PLEKHG4B: variants seen among roughly 807,000 people sequenced by gnomAD.
PLEKHG4B encodes the protein pleckstrin homology and RhoGEF domain containing G4B.
A neutral mutation model predicts 121.3 loss-of-function variants in PLEKHG4B; 111 were observed. The observed-to-expected ratio is 0.92, with a 90% CI of 0.78 to 1.07. The LOEUF is 1.07. PLEKHG4B is among the 50% of genes least tolerant of loss of function. The pLI, the probability that PLEKHG4B is intolerant of heterozygous loss-of-function variation, is 0.00. For synonymous variants in PLEKHG4B, 738 were observed against 725.0 expected, an observed-to-expected ratio of 1.02 and a Z score of -0.29; for missense variants, 1,831 against 1,757.8, an observed-to-expected ratio of 1.04 and a Z score of -0.74.
chr5:126,369 T>G lies in PLEKHG4B; in HGVS notation c.243+12921T>G, dbSNP rs183374201. On this transcript the variant is annotated intron_variant, in intron 2 of 19. Transcript: ENST00000637938. ...TTTCAGCTCCAGAATTTGTTTGGCT[T>G]CTTTTTAGGATTTTTAATATCTTTG... Among the ~76,000 whole-genome samples, 724 of 152,312 alleles carry G rather than the reference T, an allele frequency of 4.8e-3. 3 individuals carry two copies. Among genetic ancestry groups the G allele is most frequent in the Middle Eastern group, 0.014 (4 of 294 alleles).
chr5:172,141 CCCCCAACA>C (rs146391607), intron 16 of PLEKHG4B, among the ~76,000 whole-genome samples: 8,071 of 152,312 alleles, frequency 0.053, 293 homozygotes, highest in Non-Finnish European at 0.08. Context: ...CCATCTCGGG[CCCCCAACA>C]CCGACGGAAT....
rs111974841 is a variant in PLEKHG4B at position 135,086 on chromosome 5, G to A, written c.244-4397G>A. Among the ~76,000 whole-genome samples the A allele has an allele frequency of 3.0e-3, 457 of 150,814 alleles. 1 individual carries two copies. The highest frequency in any genetic ancestry group is 0.01 in the African/African-American group (413 of 41,012). ...CGCCTGTAGTCCCAGCTACTGGGAG[G>A]CTGAGGCAGGAGAATGGCGTGAACC... On this transcript the variant is annotated intron_variant, in intron 2 of 19. Transcript: ENST00000637938.
In PLEKHG4B at chr5:143,358, T is replaced by G. The variant is rs769451974; in HGVS notation, c.1688-22T>G. On this transcript the variant is annotated intron_variant, in intron 4 of 19. Transcript: ENST00000637938. ...TTGTAGGAGTGAAGCCCTTGGCAGC[T>G]GCCCTGTCTCTGTCTCCGCAGGGAC... The G allele has an allele frequency of 9.3e-6, 15 of 1,609,386 alleles. No individual in the cohort carries two copies. The African/African-American group carries it at 2.0e-4, about 21-fold the overall frequency.
chr5:135,704 T>C (rs1357169651), intron 2 of PLEKHG4B, among the ~76,000 whole-genome samples: 3 of 91,436 alleles, frequency 3.3e-5, no homozygotes, highest in African/African-American at 1.7e-4. Flanking sequence ...TATATATATA[T>C]ATATATATAT....
Position 137,699 on chromosome 5 carries a change from C to T in PLEKHG4B, c.244-1784C>T, listed in dbSNP as rs755114223. Reference sequence around the variant, plus strand: ...GTGCGATTACAAGGACAAGTCACAACGATTTTTTCAACAGTCACTTGTGCA... The same window carrying T: ...GTGCGATTACAAGGACAAGTCACAATGATTTTTTCAACAGTCACTTGTGCA... On this transcript the variant is annotated intron_variant, in intron 2 of 19. Coordinates refer to ENST00000637938, the MANE Select transcript of PLEKHG4B (RefSeq NM_052909.5). This position sits in a 1 kb window ranked among gnomAD's most constrained non-coding sequence, Gnocchi z 4.2. Among the ~76,000 whole-genome samples the T allele has an allele frequency of 4.6e-5, 7 of 152,226 alleles. No homozygotes were observed. The highest frequency in any genetic ancestry group is 8.8e-5 in the Non-Finnish European group (6 of 68,052).
rs1378881627 is a variant in PLEKHG4B, at chr5:137,400, G to A, written c.244-2083G>A. On this transcript the variant is annotated intron_variant, in intron 2 of 19. Coordinates refer to ENST00000637938, the MANE Select transcript of PLEKHG4B (RefSeq NM_052909.5). This position sits in a 1 kb window ranked among gnomAD's most constrained non-coding sequence, Gnocchi z 4.2. Reference sequence around the variant, plus strand: ...TGTACCCCGTAAACATAGTTATGCTGGTGAACTTCACATTATATCTGTTTA... The same window carrying A: ...TGTACCCCGTAAACATAGTTATGCTAGTGAACTTCACATTATATCTGTTTA... 6.6e-6 allele frequency among the ~76,000 whole-genome samples: 1 copy of A among 152,052 alleles called. No individual in the cohort carries two copies. Among genetic ancestry groups the A allele is most frequent in the African/African-American group, 2.4e-5 (1 of 41,384 alleles).
intron 2 of PLEKHG4B, among the ~76,000 whole-genome samples, chr5:123,444 G>C (rs1006754690): frequency 2.0e-5 from 3 of 152,110 alleles, no homozygotes; most frequent in African/African-American, 7.2e-5. Flanking sequence ...AATTAGAGAA[G>C]GGGTGGTATT....
chr5:178,804 G>T (rs1210135271), intron 18 of PLEKHG4B, among the ~76,000 whole-genome samples: 1 of 152,162 alleles, frequency 6.6e-6, no homozygotes, highest in East Asian at 1.9e-4. Context: ...CTCCCCCACG[G>T]ATACCCAAAT....
At chr5:109,861 T>A (rs1466219505) in intron 1 of PLEKHG4B, among the ~76,000 whole-genome samples, 1 of 152,214 alleles carries the variant, frequency 6.6e-6, no homozygotes, top group Admixed American at 6.5e-5. Flanking sequence ...CTGTACCAGC[T>A]GCTCTGCAGC....
intron 2 of PLEKHG4B, among the ~76,000 whole-genome samples, chr5:114,803 G>T (rs1734259531): frequency 6.6e-6 from 1 of 152,232 alleles, no homozygotes; most frequent in East Asian, 1.9e-4. Flanking sequence ...TGAGATTGCA[G>T]CAGTTCAGTT....
At chr5:142,357 G>A (rs1735235771) in intron 3 of PLEKHG4B, among the ~76,000 whole-genome samples, 1 of 151,134 alleles carries the variant, frequency 6.6e-6, no homozygotes, top group Admixed American at 6.6e-5. Context: ...ATGATCACAT[G>A]CTCGAGTTCC....
At chr5:114,240 TG>T (rs1734240027) in intron 2 of PLEKHG4B, among the ~76,000 whole-genome samples, 2 of 152,114 alleles carry the variant, frequency 1.3e-5, no homozygotes, top group South Asian at 4.1e-4. Context: ...GAGACCACAA[TG>T]AAGTTTTCCA....
chr5:108,538 T>C (rs1054027429), intron 1 of PLEKHG4B, among the ~76,000 whole-genome samples: 1 of 139,974 alleles, frequency 7.1e-6, no homozygotes, highest in Non-Finnish European at 1.5e-5. Flanking sequence ...TGCAGATGGC[T>C]GGTGTAGACA....
intron 2 of PLEKHG4B, among the ~76,000 whole-genome samples, chr5:117,052 A>T (rs1333181565): frequency 6.6e-6 from 1 of 152,146 alleles, no homozygotes; most frequent in Non-Finnish European, 1.5e-5. Context: ...TCTCATTTTA[A>T]TCAAAAACCA....
At chr5:167,434 T>TA (rs1736387838) in intron 13 of PLEKHG4B, among the ~76,000 whole-genome samples, 1 of 111,406 alleles carries the variant, frequency 9.0e-6, no homozygotes, top group South Asian at 3.0e-4. Flanking sequence ...TAAATACAAA[T>TA]AATGGTAGAA....
chr5:92,430 C>CGGGTGG (rs1733489089), intron 1 of PLEKHG4B, among the ~76,000 whole-genome samples, 154 bp downstream of exon 1: 1 of 8,174 alleles, frequency 1.2e-4, no homozygotes, highest in African/African-American at 5.4e-4. Context: ...GGGGCGCGAG[C>CGGGTGG]GGACGCGGGA....
At chr5:129,628 A>C (rs900894018) in intron 2 of PLEKHG4B, among the ~76,000 whole-genome samples, 2 of 152,184 alleles carry the variant, frequency 1.3e-5, no homozygotes, top group African/African-American at 4.8e-5. Context: ...AGCCTCTTTA[A>C]ATATTTCATA....
Position 188,871 on chromosome 5 carries a change from C to G in PLEKHG4B, c.*6548C>G, listed in dbSNP as rs1288806158. On this transcript the variant is annotated 3_prime_UTR_variant, in exon 20 of 20. Coordinates refer to ENST00000637938, the MANE Select transcript of PLEKHG4B (RefSeq NM_052909.5). ...ACCGTGTGTATCAGGTGTCAGAGGC[C>G]TTGCTGGGTGCCAGGCCACGTCTGT... The G allele has an allele frequency of 6.6e-6, 1 of 152,256 alleles. No homozygotes were observed. Among genetic ancestry groups the G allele is most frequent in the Non-Finnish European group, 1.5e-5 (1 of 68,058 alleles). The allele number at this position is 152,256 out of a possible 1,614,324, so 9.4% of individuals were successfully genotyped here. A position where few individuals can be genotyped will look rare whatever the true frequency, so the allele number is the denominator to read the frequency against.
At chr5:149,844 AG>A (rs1251441423) in intron 6 of PLEKHG4B, among the ~76,000 whole-genome samples, 1 of 152,222 alleles carries the variant, frequency 6.6e-6, no homozygotes, top group African/African-American at 2.4e-5. Context: ...CCCATCCATT[AG>A]GGTGGCTATT....
Sources: allele counts gnomAD v4.1 joint callset (sites outside exome capture counted in the v4.1 genomes callset), GRCh38; gene constraint gnomAD v4.1.1; non-coding constraint Gnocchi (gnomAD v3.1); transcripts MANE v1.5; gene names NCBI Gene and HGNC (gene_info 2026-07-23, HGNC 2026-07-21).